The following TRAK1 variants were observed in gnomAD, a reference collection of about 807,000 sequenced individuals.
The protein encoded by TRAK1 is trafficking kinesin-binding protein 1.
Under a neutral mutation model 92.1 loss-of-function variants are expected in TRAK1, and 33 were observed. That is an observed-to-expected ratio of 0.36 (90% CI 0.27 to 0.48). TRAK1 has a LOEUF of 0.48. Among genes scored for constraint, TRAK1 ranks in the 20% least tolerant of loss-of-function variants. The pLI, the probability that TRAK1 is intolerant of heterozygous loss-of-function variation, is 0.99. For missense variants in TRAK1, 1,123 were observed against 1,257.9 expected (o/e 0.89, Z 1.62); for synonymous variants, 521 against 517.3 (o/e 1.01, Z -0.10).
intron 1 of TRAK1, among the ~76,000 whole-genome samples, chr3:42,025,374 T>C (rs1701873974): frequency 6.6e-6 from 1 of 152,222 alleles, no homozygotes; most frequent in African/African-American, 2.4e-5. Context: ...TTATATCTTC[T>C]TACATTAATT....
chr3:42,106,022 C>G (rs1450724605), intron 1 of TRAK1, among the ~76,000 whole-genome samples: 1 of 152,134 alleles, frequency 6.6e-6, no homozygotes, highest in Non-Finnish European at 1.5e-5. Context: ...GAAGGAAGCA[C>G]TAAACATGGA....
chr3:42,164,079 T>C (rs1701593884), intron 2 of TRAK1, among the ~76,000 whole-genome samples: 1 of 152,218 alleles, frequency 6.6e-6, no homozygotes, highest in South Asian at 2.1e-4. Flanking sequence ...GAAACACGTG[T>C]ATCTCAGAGC....
intron 1 of TRAK1, among the ~76,000 whole-genome samples, chr3:42,097,843 C>T (rs977137342): frequency 6.6e-6 from 1 of 152,180 alleles, no homozygotes; most frequent in African/African-American, 2.4e-5. Context: ...AGAAAACAGA[C>T]CAAACACATA....
intron 1 of TRAK1, among the ~76,000 whole-genome samples, chr3:42,113,673 C>T (rs6762900): frequency 0.025 from 3,739 of 152,166 alleles, 143 homozygotes; most frequent in African/African-American, 0.085. Flanking sequence ...CCTCAGCCTC[C>T]CAAAGTTCTG....
chr3:42,127,543 G>A (rs568764039), intron 2 of TRAK1, among the ~76,000 whole-genome samples: 2 of 151,468 alleles, frequency 1.3e-5, no homozygotes, highest in East Asian at 3.9e-4. Flanking sequence ...ATTTTTTTTG[G>A]AGAGATGGGG....
rs545460609 is a variant in TRAK1 at position 42,219,495 on chromosome 3, G to A, written c.1965G>A (p.Ala655=). The change falls in exon 15 of 16, where the codon GCG becomes GCA. Residue 655 remains alanine (A), a splice_region_variant and synonymous_variant. Transcript: ENST00000327628. ...STPVQHPETS[A]HHPGKCMSQT... The stretch of plus-strand genomic sequence containing the variant: ...TATGTTTTGTTCCTCCCAATTTAGC[G>A]CACCATCCTGGGAAGTGCATGTCTC... The A allele has an allele frequency of 3.5e-5, 57 of 1,613,746 alleles. No homozygotes were observed. Among genetic ancestry groups the A allele is most frequent in the East Asian group, 6.7e-5 (3 of 44,852 alleles).
chr3:42,177,415 T>C (rs1703364750), intron 3 of TRAK1, among the ~76,000 whole-genome samples: 1 of 152,246 alleles, frequency 6.6e-6, no homozygotes. Flanking sequence ...CAATTGAGAA[T>C]TAAGTATTAT....
At chr3:42,090,863 CACAG>C (rs1246502121), upstream of TRAK1, among the ~76,000 whole-genome samples, 2 of 152,308 alleles carry the variant, frequency 1.3e-5, no homozygotes, top group African/African-American at 4.8e-5. Flanking sequence ...GGAGAGTAAA[CACAG>C]ACACTCTTAT....
At chr3:42,198,425 G>C (rs1028185647) in intron 10 of TRAK1, among the ~76,000 whole-genome samples, 1 of 152,206 alleles carries the variant, frequency 6.6e-6, no homozygotes, top group Non-Finnish European at 1.5e-5. Flanking sequence ...AAAAATGTGA[G>C]ATTCCTAGTG....
chr3:42,166,903 T>A (rs1701937641), intron 2 of TRAK1, among the ~76,000 whole-genome samples: 1 of 152,224 alleles, frequency 6.6e-6, no homozygotes, highest in Non-Finnish European at 1.5e-5. Flanking sequence ...AGACCATTGT[T>A]CGTACGGCTC....
chr3:42,206,597 AT>A (rs1466547222), intron 13 of TRAK1, among the ~76,000 whole-genome samples: 1 of 152,234 alleles, frequency 6.6e-6, no homozygotes, highest in African/African-American at 2.4e-5. Context: ...TAACGTGAAG[AT>A]TAAGTGAATT....
Position 42,202,642 on chromosome 3 carries a change from T to C in TRAK1, c.1634T>C (p.Met545Thr), listed in dbSNP as rs199801758. 4.0e-5 allele frequency: 65 copies of C among 1,611,706 alleles called. No individual in the cohort carries two copies. Among genetic ancestry groups the C allele is most frequent in the South Asian group, 6.6e-5 (6 of 90,916 alleles). ...SGSLTPTESIMSLGTHSRFSE... is the reference protein window; with the variant it reads ...SGSLTPTESITSLGTHSRFSE... ...TCCCTCACACCCACTGAGAGCATCA[T>C]GTCCCTGGGCACGCACTCCCGCTTC... The change falls in exon 13 of 16, where the codon ATG (methionine) becomes ACG (threonine). Residue 545 changes from methionine (M) to threonine (T), a missense_variant. By Grantham distance (81) the Met-to-Thr change is moderately conservative. This residue lies in a region of TRAK1 where 686 missense variants were observed against 747.6 expected (regional missense o/e 0.92). Coordinates refer to ENST00000327628, the MANE Select transcript of TRAK1 (RefSeq NM_001042646.3). This position sits in a 1 kb window ranked among gnomAD's most constrained non-coding sequence, Gnocchi z 6.1.
intron 2 of TRAK1, among the ~76,000 whole-genome samples, chr3:42,165,745 C>G (rs911054800): frequency 6.6e-6 from 1 of 152,214 alleles, no homozygotes; most frequent in Admixed American, 6.5e-5. Context: ...CAGTACCTAC[C>G]GCAGCACTGT....
chr3:42,138,923 G>GTGTA (rs1698321909), intron 2 of TRAK1, among the ~76,000 whole-genome samples: 1 of 137,676 alleles, frequency 7.3e-6, no homozygotes, highest in Non-Finnish European at 1.6e-5. Context: ...GTGTGTGTGT[G>GTGTA]TTTGGAGGAG....
At chr3:42,181,116 T>C (rs1355472016) in intron 3 of TRAK1, among the ~76,000 whole-genome samples, 1 of 152,254 alleles carries the variant, frequency 6.6e-6, no homozygotes, top group Admixed American at 6.5e-5. Context: ...TCCCAATTCC[T>C]GTTGGTTTCT....
At position 42,174,362 on chromosome 3, in the gene TRAK1, G is replaced by A. The variant is rs79122804; in HGVS notation, c.287-2452G>A. 3.9e-3 allele frequency among the ~76,000 whole-genome samples: 587 copies of A among 152,300 alleles called. 6 individuals are homozygous for A. Among genetic ancestry groups the A allele is most frequent in the African/African-American group, 0.013 (560 of 41,554 alleles). ...AATACACACATGTGCACACAAATAA[G>A]TGCAAGTAAAACGGGAACTCTGAGG... On this transcript the variant is annotated intron_variant, in intron 2 of 15. Transcript: ENST00000327628.
At chr3:42,122,442 G>A (rs1270279158) in intron 1 of TRAK1, among the ~76,000 whole-genome samples, 1 of 151,874 alleles carries the variant, frequency 6.6e-6, no homozygotes, top group African/African-American at 2.4e-5. Context: ...ATGCGGGAAT[G>A]TGTTGGTTCC....
At chr3:42,141,086 A>G (rs1698591228) in intron 2 of TRAK1, among the ~76,000 whole-genome samples, 1 of 152,220 alleles carries the variant, frequency 6.6e-6, no homozygotes, top group Non-Finnish European at 1.5e-5. Context: ...GCAAACTCAT[A>G]ACTGCATCAT....
chr3:42,110,009 G>C (rs1459676024), intron 1 of TRAK1, among the ~76,000 whole-genome samples: 4 of 147,450 alleles, frequency 2.7e-5, no homozygotes, highest in African/African-American at 9.9e-5. Context: ...TAAATGATGA[G>C]TTAATGGGTG....
Sources: gnomAD v4.1 joint callset for allele counts (sites outside exome capture counted in the v4.1 genomes callset) on GRCh38, gnomAD v4.1.1 for gene constraint, gnomAD v4.1.1 regional missense constraint, Gnocchi (gnomAD v3.1) non-coding constraint, MANE v1.5 for transcripts, NCBI Gene and HGNC (gene_info 2026-07-23, HGNC 2026-07-21) for gene names.